The following MTUS2 variants were observed in gnomAD, a reference collection of about 807,000 sequenced individuals.
MTUS2 encodes the protein microtubule associated scaffold protein 2, also known as microtubule-associated tumor suppressor candidate 2.
MTUS2 carries 40 observed loss-of-function variants against 114.1 expected under a neutral mutation model. The observed-to-expected ratio is 0.35, with a 90% CI of 0.27 to 0.46. The LOEUF (loss-of-function observed/expected upper bound fraction) is 0.46. MTUS2 is among the 20% of genes least tolerant of loss of function. MTUS2 has a pLI of 1.00. For synonymous variants in MTUS2, 688 were observed against 672.0 expected (o/e 1.02, Z -0.37); for missense variants, 1,679 against 1,705.4 (o/e 0.98, Z 0.27).
chr13:29,092,741 C>T (rs1890015886), intron 4 of MTUS2, among the ~76,000 whole-genome samples: 1 of 124,194 alleles, frequency 8.1e-6, no homozygotes, highest in African/African-American at 3.1e-5. Context: ...CGTCATTGGC[C>T]ATGGAGGTCT....
rs185729826 is a variant in MTUS2 at position 29,141,197 on chromosome 13, T to A, written c.2644+40227T>A. 8.0e-4 allele frequency among the ~76,000 whole-genome samples: 122 copies of A among 152,314 alleles called. 1 individual carries two copies. The highest frequency in any genetic ancestry group is 2.5e-3 in the Admixed American group (38 of 15,300). Reference sequence around the variant, plus strand: ...TATGATAAGCACTGGAATACAGCAGTGAGAACCCGGACCTTACAGTGCAGT... The same window carrying A: ...TATGATAAGCACTGGAATACAGCAGAGAGAACCCGGACCTTACAGTGCAGT... On this transcript the variant is annotated intron_variant, in intron 5 of 15. Transcript: ENST00000612955.
At chr13:29,064,511 A>G (rs1344588646) in intron 4 of MTUS2, among the ~76,000 whole-genome samples, 1 of 150,768 alleles carries the variant, frequency 6.6e-6, no homozygotes, top group Non-Finnish European at 1.5e-5. Flanking sequence ...TAAGTAATGT[A>G]GGGAGGCCAG....
chr13:29,373,031 A>C (rs900837822), intron 8 of MTUS2, among the ~76,000 whole-genome samples: 1 of 152,236 alleles, frequency 6.6e-6, no homozygotes, highest in Admixed American at 6.5e-5. Flanking sequence ...TTTTCTTTCC[A>C]GTATTCTCTG....
At chr13:29,452,574 A>ATATG (rs1443231559) in intron 9 of MTUS2, among the ~76,000 whole-genome samples, 1 of 130,260 alleles carries the variant, frequency 7.7e-6, no homozygotes, top group Admixed American at 8.1e-5. Context: ...ATATATATAT[A>ATATG]TGTGTGTGTG....
intron 2 of MTUS2, among the ~76,000 whole-genome samples, chr13:28,925,608 G>T (rs527302448): frequency 6.6e-6 from 1 of 152,118 alleles, no homozygotes; most frequent in East Asian, 1.9e-4. Context: ...CTACCTCATG[G>T]TTAAGGACCC....
chr13:29,201,435 C>T (rs1266852387), intron 5 of MTUS2, among the ~76,000 whole-genome samples: 2 of 152,020 alleles, frequency 1.3e-5, no homozygotes, highest in East Asian at 3.9e-4. Context: ...GAATACAGCA[C>T]ACCAATGAGT....
intron 6 of MTUS2, chr13:29,306,824 G>A (rs1899488145): frequency 2.2e-6 from 1 of 453,650 alleles, no homozygotes; most frequent in African/African-American, 2.0e-5. Context: ...CATGTTAGGT[G>A]TCTGGTCACC....
At chr13:29,201,330 A>G (rs1355321967) in intron 5 of MTUS2, among the ~76,000 whole-genome samples, 1 of 143,484 alleles carries the variant, frequency 7.0e-6, no homozygotes, top group Non-Finnish European at 1.5e-5. Flanking sequence ...TAGGAATGCA[A>G]CCCCTGTTTT....
chr13:28,980,854 T>C (rs1884327178), intron 2 of MTUS2, among the ~76,000 whole-genome samples: 1 of 152,222 alleles, frequency 6.6e-6, no homozygotes, highest in Non-Finnish European at 1.5e-5. Context: ...GTGGCAAGCA[T>C]GGCCATGTAA....
chr13:29,356,555 CAT>C (rs1170826831), intron 7 of MTUS2, among the ~76,000 whole-genome samples: 1 of 152,128 alleles, frequency 6.6e-6, no homozygotes, highest in African/African-American at 2.4e-5. Context: ...GACGGTATGA[CAT>C]GTGGGTGGAC....
chr13:28,843,821 C>T (rs369479319), intron 2 of MTUS2, among the ~76,000 whole-genome samples: 28 of 152,188 alleles, frequency 1.8e-4, no homozygotes, highest in Non-Finnish European at 3.7e-4. Context: ...CATGCTGGCA[C>T]TGTGTCGTCT....
At position 28,833,583 on chromosome 13, in the gene MTUS2, A is replaced by G. The variant is rs1190179401; in HGVS notation, c.-315-6195A>G. ...TTCCTCAACCTAATGAAGGGAATCT[A>G]TGAAAAACCCACAGCTAACATCGTA... On this transcript the variant is annotated intron_variant, in intron 1 of 15. Coordinates refer to ENST00000612955, the MANE Select transcript of MTUS2 (RefSeq NM_001033602.4). 2.6e-5 allele frequency among the ~76,000 whole-genome samples: 4 copies of G among 152,172 alleles called. No homozygotes were observed. In the East Asian group the frequency reaches 5.8e-4, roughly 22 times the overall value.
intron 6 of MTUS2, among the ~76,000 whole-genome samples, chr13:29,293,690 G>T (rs1490429462): frequency 6.6e-6 from 1 of 152,002 alleles, no homozygotes; most frequent in Non-Finnish European, 1.5e-5. Flanking sequence ...CTAAATATCT[G>T]TCAATATGGA....
At chr13:29,390,558 C>T (rs9670906) in intron 8 of MTUS2, among the ~76,000 whole-genome samples, 5,752 of 149,648 alleles carry the variant, frequency 0.038, 390 homozygotes, top group African/African-American at 0.13. Flanking sequence ...GAGGCTGAGG[C>T]AGGAGAATCG....
intron 8 of MTUS2, among the ~76,000 whole-genome samples, chr13:29,381,927 G>C (rs7327391): frequency 0.16 from 23,588 of 152,114 alleles, 2,610 homozygotes; most frequent in African/African-American, 0.32. Flanking sequence ...ACTCTATCAC[G>C]TTGTGCTGAT....
At position 29,077,156 on chromosome 13, in the gene MTUS2, T is replaced by C. The variant is rs544846889; in HGVS notation, c.2447-23617T>C. On this transcript the variant is annotated intron_variant, in intron 4 of 15. Coordinates refer to ENST00000612955, the MANE Select transcript of MTUS2 (RefSeq NM_001033602.4). The stretch of plus-strand genomic sequence containing the variant: ...CCACTTCTCTTGCTTTGTTTAATTG[T>C]GTCTTTCTTTTCTCCTTTGGGAGAG... Among the ~76,000 whole-genome samples, 5 of 152,350 alleles carry C rather than the reference T, an allele frequency of 3.3e-5. No individual in the cohort carries two copies. In the East Asian group the frequency reaches 9.6e-4, roughly 29 times the overall value.
intron 5 of MTUS2, among the ~76,000 whole-genome samples, chr13:29,109,493 G>T (rs1890799898): frequency 6.6e-6 from 1 of 152,196 alleles, no homozygotes. Flanking sequence ...TGACACAGTA[G>T]TGGTGAAGAG....
intron 4 of MTUS2, 101 bp downstream of exon 4, chr13:29,034,226 T>G (rs1038022199): frequency 9.6e-5 from 142 of 1,485,190 alleles, no homozygotes; most frequent in Admixed American, 3.1e-4. Context: ...TTTCATCCTT[T>G]AAGGAGAGCC....
chr13:28,849,705 T>A (rs969524780), intron 2 of MTUS2, among the ~76,000 whole-genome samples: 10 of 152,044 alleles, frequency 6.6e-5, no homozygotes, highest in African/African-American at 2.4e-4. Flanking sequence ...GTTTTCCTGC[T>A]TGAACCCTTT....
Sources: allele counts gnomAD v4.1 joint callset (sites outside exome capture counted in the v4.1 genomes callset), GRCh38; gene constraint gnomAD v4.1.1; transcripts MANE v1.5; gene names NCBI Gene and HGNC (gene_info 2026-07-23, HGNC 2026-07-21).